NOTCH1: variants seen among roughly 807,000 people sequenced by gnomAD.
NOTCH1 encodes notch receptor 1.
Under a neutral mutation model 254.8 loss-of-function variants are expected in NOTCH1, and 37 were observed. That is an observed-to-expected ratio of 0.15 (90% confidence interval 0.11 to 0.19). NOTCH1 has a LOEUF of 0.19. Ranked by LOEUF, NOTCH1 falls within the 10% of genes least tolerant of loss-of-function variation. NOTCH1 has a pLI of 1.00. For synonymous variants in NOTCH1, 1,731 were observed against 1,618.1 expected (o/e 1.07, Z -1.68); for missense variants, 2,972 against 3,708.6 (o/e 0.80, Z 5.16).
chr9:136,544,145 A>C, intron 1 of NOTCH1, 43 bp from the exon 2 acceptor site: 1 of 1,525,200 alleles, frequency 6.6e-7, no homozygotes, highest in Non-Finnish European at 8.9e-7. Flanking sequence ...CACCCGCACC[A>C]CCACCACCGA....
In NOTCH1 at chr9:136,545,188, G is replaced by A. The variant is rs971300975; in HGVS notation, c.61+538C>T. On this transcript the variant is annotated intron_variant, in intron 1 of 33. Transcript: ENST00000651671. The surrounding 1 kb of genome is among the most constrained non-coding windows in gnomAD (Gnocchi z 6.8). ...ACTGAGAGCCGGGCTGGGGGGCACCGGCGGGCGGGGCGACCGGGAGCCCGG... is the reference window on the plus strand; with the variant it reads ...ACTGAGAGCCGGGCTGGGGGGCACCAGCGGGCGGGGCGACCGGGAGCCCGG... Among the ~76,000 whole-genome samples the A allele has an allele frequency of 6.6e-6, 1 of 151,714 alleles. No individual in the cohort carries two copies. Among genetic ancestry groups the A allele is most frequent in the Non-Finnish European group, 1.5e-5 (1 of 67,884 alleles).
intron 2 of NOTCH1, among the ~76,000 whole-genome samples, chr9:136,534,192 G>A (rs966703156): frequency 2.0e-5 from 3 of 152,236 alleles, no homozygotes; most frequent in African/African-American, 7.2e-5. Context: ...CTCCACACAG[G>A]ACCTGCCTCC....
At position 136,497,156 on chromosome 9, in the gene NOTCH1, C is replaced by T. The variant is rs376422513; in HGVS notation, c.6583G>A (p.Gly2195Ser). 83 of 1,612,748 alleles carry T rather than the reference C, an allele frequency of 5.1e-5. No homozygotes were observed. The highest frequency in any genetic ancestry group is 2.0e-4 in the African/African-American group (15 of 75,052). ...AGGGAGTCCACGGGCGAGAGCATGC[C>T]GGAGCTGTCCAGCAGGCAGCCCTTG... is the stretch of plus-strand genomic sequence containing the variant. Reference protein sequence around the residue: ...DGKGCLLDSSGMLSPVDSLES... With the variant: ...DGKGCLLDSSSMLSPVDSLES... Residue 2195 changes from glycine (G) to serine (S), a missense_variant, in exon 34 of 34, where the codon GGC (glycine) becomes AGC (serine). Physicochemically the swap from Gly to Ser is moderately conservative, Grantham distance 56. This residue lies in a region of NOTCH1 where 529 missense variants were observed against 529.2 expected (regional missense o/e 1.00). Transcript: ENST00000651671.
At chr9:136,526,304 CG>C (rs1359798038) in intron 2 of NOTCH1, among the ~76,000 whole-genome samples, 2 of 152,220 alleles carry the variant, frequency 1.3e-5, no homozygotes, top group Admixed American at 1.3e-4. Flanking sequence ...CATTGTCAGG[CG>C]GGAGTTGGCC....
Position 136,527,884 on chromosome 9 carries a change from C to T in NOTCH1, c.141-3905G>A, listed in dbSNP as rs1442026373. ...GCCCCGGCGCCTGCTGTGCCGCTCC[C>T]GCCACCTCTACCGCCACCACTTTGT... On this transcript the variant is annotated intron_variant, in intron 2 of 33. Transcript: ENST00000651671. Among the ~76,000 whole-genome samples, 3 of 152,156 alleles carry T rather than the reference C, an allele frequency of 2.0e-5. No individual in the cohort carries two copies. In the East Asian group the frequency reaches 5.8e-4, roughly 29 times the overall value.
intron 2 of NOTCH1, among the ~76,000 whole-genome samples, chr9:136,525,621 G>A (rs865988751): frequency 6.6e-5 from 10 of 152,210 alleles, no homozygotes; most frequent in African/African-American, 1.2e-4. Flanking sequence ...CCCCAGGACC[G>A]GCCCTGAAGC....
chr9:136,532,953 T>C (rs1843585656), intron 2 of NOTCH1, among the ~76,000 whole-genome samples: 1 of 152,160 alleles, frequency 6.6e-6, no homozygotes, highest in Admixed American at 6.5e-5. Flanking sequence ...CCATTCCCAC[T>C]GCCCACCTGG....
intron 2 of NOTCH1, among the ~76,000 whole-genome samples, chr9:136,538,203 G>C (rs953417273): frequency 1.3e-5 from 2 of 152,082 alleles, no homozygotes; most frequent in African/African-American, 4.8e-5. Context: ...GCAGGGTGGG[G>C]TGGGGCAGGG....
chr9:136,502,204 C>A, intron 28 of NOTCH1, 68 bp downstream of exon 28: 2 of 1,580,192 alleles, frequency 1.3e-6, no homozygotes, highest in Non-Finnish European at 1.7e-6. Context: ...GGCAGACTCC[C>A]GGTGAGGATG....
intron 2 of NOTCH1, among the ~76,000 whole-genome samples, chr9:136,537,485 TAC>T (rs1452096203): frequency 1.3e-5 from 2 of 152,168 alleles, no homozygotes; most frequent in African/African-American, 2.4e-5. Context: ...AGTATTTGGG[TAC>T]AGTTTCTGTT....
chr9:136,518,910 C>T, intron 5 of NOTCH1, 86 bp from the exon 6 acceptor site: 1 of 1,221,934 alleles, frequency 8.2e-7, no homozygotes, highest in Non-Finnish European at 1.2e-6. Context: ...CAATGCCGCC[C>T]CCTCCAGGAA....
At position 136,496,053 on chromosome 9, in the gene NOTCH1, T is replaced by A. The variant is rs2133313499; in HGVS notation, c.*18A>T. Reference sequence around the variant, plus strand: ...GAAGGCTTGGGAAAGGAAGCCGGGGTCTCGTGGGGCGCGCCGTTTACTTGA... The same window carrying A: ...GAAGGCTTGGGAAAGGAAGCCGGGGACTCGTGGGGCGCGCCGTTTACTTGA... On this transcript the variant is annotated 3_prime_UTR_variant, in exon 34 of 34. Transcript: ENST00000651671. 3.1e-6 allele frequency: 5 copies of A among 1,589,122 alleles called. No homozygotes were observed. The highest frequency in any genetic ancestry group is 4.3e-6 in the Non-Finnish European group (5 of 1,174,862).
At chr9:136,538,518 C>T (rs1171703811) in intron 2 of NOTCH1, among the ~76,000 whole-genome samples, 1 of 152,248 alleles carries the variant, frequency 6.6e-6, no homozygotes, top group Non-Finnish European at 1.5e-5. Flanking sequence ...GGAGAAAGCG[C>T]CAGCGCTGCC....
chr9:136,526,471 C>T (rs899866746), intron 2 of NOTCH1, among the ~76,000 whole-genome samples: 3 of 152,142 alleles, frequency 2.0e-5, no homozygotes, highest in African/African-American at 7.2e-5. Context: ...CCCGGCCCCT[C>T]GAGGCTCCAA....
chr9:136,517,088 G>A (rs1381642974), intron 9 of NOTCH1, among the ~76,000 whole-genome samples, 184 bp downstream of exon 9: 2 of 147,698 alleles, frequency 1.4e-5, no homozygotes, highest in African/African-American at 5.1e-5. Context: ...CACAACCCAC[G>A]GCCCTCACCC....
At position 136,497,457 on chromosome 9, in the gene NOTCH1, G is replaced by C; in HGVS notation, c.6282C>G (p.Asp2094Glu). The change falls in exon 34 of 34, where the codon GAC becomes GAG. Residue 2094 changes from aspartate to glutamate, a missense_variant. Asp to Glu is a conservative substitution (Grantham distance 45, BLOSUM62 2). Transcript: ENST00000651671. The part of the protein sequence containing the change: ...FANRDITDHM[D>E]RLPRDIAQER... ...CCTGTGCGATGTCGCGCGGCAGGCG[G>C]TCCATATGATCCGTGATGTCCCGGT... 6.2e-7 allele frequency: 1 copy of C among 1,612,432 alleles called. No homozygotes were observed.
At chr9:136,526,325 G>A (rs544892419) in intron 2 of NOTCH1, among the ~76,000 whole-genome samples, 2 of 152,200 alleles carry the variant, frequency 1.3e-5, no homozygotes, top group Non-Finnish European at 2.9e-5. Context: ...CACAGCTCCC[G>A]CTTGGAGAAA....
Position 136,519,557 on chromosome 9 carries a change from C to A in NOTCH1, c.751G>T (p.Gly251Cys), listed in dbSNP as rs755667439. 1 of 1,612,808 alleles carries A rather than the reference C, an allele frequency of 6.2e-7. No individual in the cohort carries two copies. Among genetic ancestry groups the A allele is most frequent in the Non-Finnish European group, 8.5e-7 (1 of 1,179,916 alleles). ...HECACLPGFT[G>C]QNCEENIDDC... ...TCGATATTTTCCTCACAGTTCTGGCCGGTGAAGCCTGCCGCAAGAGGGGCC... is the reference window on the plus strand; with the variant it reads ...TCGATATTTTCCTCACAGTTCTGGCAGGTGAAGCCTGCCGCAAGAGGGGCC... The change falls in exon 5 of 34, where the codon GGC becomes TGC. Residue 251 changes from glycine to cysteine, a missense_variant. By Grantham distance (159) the Gly-to-Cys change is radical (BLOSUM62 -3). This residue lies in a region of NOTCH1 where 374 missense variants were observed against 496.3 expected (regional missense o/e 0.75). Coordinates refer to ENST00000651671, the MANE Select transcript of NOTCH1 (RefSeq NM_017617.5).
Position 136,500,771 on chromosome 9 carries a change from G to A in NOTCH1, c.5715C>T (p.Asp1905=), listed in dbSNP as rs748200129. Residue 1905 remains aspartate, a synonymous_variant, in exon 31 of 34, where the codon GAC becomes GAT. Coordinates refer to ENST00000651671, the MANE Select transcript of NOTCH1 (RefSeq NM_017617.5). ...TGAAGTCGGAGATGACGGCCGGCGC[G>A]TCCTCCTCTTCCTCGCTGTTGCCCG... ...LETGNSEEEE[D]APAVISDFIY... The A allele has an allele frequency of 1.3e-5, 21 of 1,603,318 alleles. No homozygotes were observed. Among genetic ancestry groups the A allele is most frequent in the South Asian group, 3.3e-5 (3 of 91,086 alleles).
Sources: gnomAD v4.1 joint callset for allele counts (sites outside exome capture counted in the v4.1 genomes callset) on GRCh38, gnomAD v4.1.1 for gene constraint, gnomAD v4.1.1 regional missense constraint, Gnocchi (gnomAD v3.1) non-coding constraint, MANE v1.5 for transcripts, NCBI Gene and HGNC (gene_info 2026-07-23, HGNC 2026-07-21) for gene names.